The following CALN1 variants were observed in gnomAD, a reference collection of about 807,000 sequenced individuals.
The protein encoded by CALN1 is calneuron 1, also known as calcium-binding protein 8.
In CALN1, 17 loss-of-function variants were observed where a neutral mutation model predicts 30.6. The ratio of observed to expected loss-of-function variants is 0.56; its 90% confidence interval spans 0.38 to 0.83. CALN1 has a LOEUF of 0.83. CALN1 is among the 40% of genes least tolerant of loss of function. The pLI, the probability that CALN1 is intolerant of heterozygous loss-of-function variation, is 0.00. For missense variants in CALN1, 291 were observed against 354.9 expected (o/e 0.82, Z 1.45); for synonymous variants, 156 against 131.4 (o/e 1.19, Z -1.28).
At chr7:71,937,732 GC>G (rs1382088530) in intron 5 of CALN1, among the ~76,000 whole-genome samples, 1 of 152,102 alleles carries the variant, frequency 6.6e-6, no homozygotes, top group Non-Finnish European at 1.5e-5. Context: ...TCCCACCTCA[GC>G]CTCCCAAACT....
intron 5 of CALN1, among the ~76,000 whole-genome samples, chr7:71,950,182 C>G (rs1283949675): frequency 6.6e-6 from 1 of 152,148 alleles, no homozygotes; most frequent in Non-Finnish European, 1.5e-5. Flanking sequence ...CTGGTAACAC[C>G]TGGAGAGTGA....
intron 5 of CALN1, among the ~76,000 whole-genome samples, chr7:71,827,627 C>T (rs561758263): frequency 6.6e-6 from 1 of 151,876 alleles, no homozygotes; most frequent in East Asian, 1.9e-4. Flanking sequence ...AAAAAATTAG[C>T]TGGGCATGGT....
At chr7:71,921,644 T>C (rs992841906) in intron 5 of CALN1, among the ~76,000 whole-genome samples, 3 of 152,128 alleles carry the variant, frequency 2.0e-5, no homozygotes, top group Non-Finnish European at 2.9e-5. Flanking sequence ...AAATAAACTA[T>C]GTAAAAAAGA....
rs370799777 is a variant in CALN1 at position 72,108,833 on chromosome 7, A to G, written c.245-2539T>C. Among the ~76,000 whole-genome samples, 29 of 152,296 alleles carry G rather than the reference A, an allele frequency of 1.9e-4. No individual in the cohort carries two copies. In the South Asian group the frequency reaches 5.4e-3, roughly 28 times the overall value. On this transcript the variant is annotated intron_variant, in intron 3 of 6. Coordinates refer to ENST00000395275, the MANE Select transcript of CALN1 (RefSeq NM_031468.4). ...TATCAGCCTCTTTTTTCAGCCTCTC[A>G]GCTTCCTTGGACTTTGGGAGTAAGT...
At chr7:72,020,504 G>A (rs1365710152) in intron 5 of CALN1, among the ~76,000 whole-genome samples, 1 of 152,180 alleles carries the variant, frequency 6.6e-6, no homozygotes, top group Non-Finnish European at 1.5e-5. Context: ...GCAGGGGGAA[G>A]AAGGGGAGGC....
chr7:72,307,704 TCA>T (rs1425161534), intron 2 of CALN1, among the ~76,000 whole-genome samples: 1 of 152,142 alleles, frequency 6.6e-6, no homozygotes, highest in Non-Finnish European at 1.5e-5. Flanking sequence ...GTGACGCTGG[TCA>T]CAGACTTCCC....
At chr7:71,953,886 T>C (rs1266507337) in intron 5 of CALN1, among the ~76,000 whole-genome samples, 2 of 151,938 alleles carry the variant, frequency 1.3e-5, no homozygotes, top group Non-Finnish European at 2.9e-5. Flanking sequence ...AATGTCTTCA[T>C]AGACAGGGAG....
intron 4 of CALN1, among the ~76,000 whole-genome samples, chr7:72,064,217 GGT>G (rs1803862474): frequency 6.6e-6 from 1 of 151,644 alleles, no homozygotes; most frequent in African/African-American, 2.4e-5. Flanking sequence ...AGGAGGCAGA[GGT>G]TGCAGTGAGC....
intron 2 of CALN1, among the ~76,000 whole-genome samples, chr7:72,389,149 T>A (rs1805416277): frequency 6.6e-6 from 1 of 152,118 alleles, no homozygotes; most frequent in Non-Finnish European, 1.5e-5. Flanking sequence ...TCCGGTGGGC[T>A]CCCAAGGTCT....
rs1240726039 is a variant in CALN1, at chr7:71,795,530, G to A, written c.659-7628C>T. Reference sequence around the variant, plus strand: ...CTAAAATTATGTCCAATTCAGCAGCGTTTAACACATTCGCGAGATTGCGCA... The same window carrying A: ...CTAAAATTATGTCCAATTCAGCAGCATTTAACACATTCGCGAGATTGCGCA... On this transcript the variant is annotated intron_variant, in intron 6 of 6. Coordinates refer to ENST00000395275, the MANE Select transcript of CALN1 (RefSeq NM_031468.4). 7.9e-5 allele frequency among the ~76,000 whole-genome samples: 12 copies of A among 152,228 alleles called. No homozygotes were observed. The East Asian group carries it at 2.1e-3, about 27-fold the overall frequency.
At chr7:72,173,005 A>T (rs1468476547) in intron 3 of CALN1, among the ~76,000 whole-genome samples, 1 of 152,128 alleles carries the variant, frequency 6.6e-6, no homozygotes, top group Non-Finnish European at 1.5e-5. Flanking sequence ...TTTTTTGAAG[A>T]TCTTAAAATA....
At chr7:72,080,326 T>G (rs1805048378) in intron 4 of CALN1, among the ~76,000 whole-genome samples, 1 of 152,134 alleles carries the variant, frequency 6.6e-6, no homozygotes, top group Admixed American at 6.6e-5. Context: ...TTCTCCTGCC[T>G]CCTCACTCCG....
chr7:72,474,785 G>A, the CALN1 span, among the ~76,000 whole-genome samples: 5 of 152,060 alleles, frequency 3.3e-5, no homozygotes, highest in Admixed American at 6.6e-5. Context: ...AGTTGAGACC[G>A]TCTCCCTCCT....
At chr7:71,795,920 G>A (rs542302175) in intron 6 of CALN1, among the ~76,000 whole-genome samples, 6 of 146,696 alleles carry the variant, frequency 4.1e-5, no homozygotes, top group Non-Finnish European at 5.9e-5. Flanking sequence ...CCGGGTTCAC[G>A]TCATTCTCCT....
At chr7:71,866,622 A>G (rs193151151) in intron 5 of CALN1, among the ~76,000 whole-genome samples, 1 of 152,280 alleles carries the variant, frequency 6.6e-6, no homozygotes, top group Non-Finnish European at 1.5e-5. Flanking sequence ...TGAGTACTCC[A>G]CATGCTTGAG....
chr7:72,057,353 A>G (rs1366534783), intron 4 of CALN1, among the ~76,000 whole-genome samples: 1 of 146,554 alleles, frequency 6.8e-6, no homozygotes, highest in Non-Finnish European at 1.5e-5. Flanking sequence ...TGGCAATGGC[A>G]TTTAGATAAA....
At chr7:72,146,465 A>C (rs1786738102) in intron 3 of CALN1, among the ~76,000 whole-genome samples, 1 of 152,182 alleles carries the variant, frequency 6.6e-6, no homozygotes, top group Non-Finnish European at 1.5e-5. Context: ...ACGAAATAAA[A>C]GAGGATACAA....
chr7:71,909,424 TACAA>T (rs1456570446), intron 5 of CALN1, among the ~76,000 whole-genome samples: 2 of 151,898 alleles, frequency 1.3e-5, no homozygotes, highest in African/African-American at 4.8e-5. Context: ...TTCCTCCTTA[TACAA>T]ACACTTACTG....
At chr7:72,174,829 G>C (rs999526913) in intron 3 of CALN1, among the ~76,000 whole-genome samples, 10 of 152,072 alleles carry the variant, frequency 6.6e-5, no homozygotes, top group Non-Finnish European at 7.4e-5. Context: ...TTTATTGGGT[G>C]GTAGTATTAT....
Sources: allele counts gnomAD v4.1 joint callset (sites outside exome capture counted in the v4.1 genomes callset), GRCh38; gene constraint gnomAD v4.1.1; transcripts MANE v1.5; gene names NCBI Gene and HGNC (gene_info 2026-07-23, HGNC 2026-07-21).